The following TOP2A variants were observed in gnomAD, a reference collection of about 807,000 sequenced individuals.
TOP2A encodes DNA topoisomerase 2-alpha.
Under a neutral mutation model 187.2 loss-of-function variants are expected in TOP2A, and 68 were observed. That is an observed-to-expected ratio of 0.36 (90% CI 0.30 to 0.44). The LOEUF (loss-of-function observed/expected upper bound fraction) is 0.44, where lower values mean the gene tolerates loss of function less well. Among genes scored for constraint, TOP2A ranks in the 20% least tolerant of loss-of-function variants. The pLI, the probability that TOP2A is intolerant of heterozygous loss-of-function variation, is 1.00. For missense variants in TOP2A, 1,196 were observed against 1,808.7 expected (o/e 0.66, Z 6.14); for synonymous variants, 542 against 593.2 (o/e 0.91, Z 1.25).
chr17:40,409,347 G>A (rs1015038312), intron 10 of TOP2A: 1 of 405,292 alleles, frequency 2.5e-6, no homozygotes, highest in South Asian at 1.9e-5. Flanking sequence ...CGGCACTCCA[G>A]CCTGGGAAAC....
In TOP2A at chr17:40,410,695, C is replaced by T. The variant is rs1295683398; in HGVS notation, c.1203+414G>A. On this transcript the variant is annotated intron_variant, in intron 10 of 34. Coordinates refer to ENST00000423485, the MANE Select transcript of TOP2A (RefSeq NM_001067.4). ...AAGGCTCCCAGCTTTCTTGTTTATA[C>T]AACCTAGAGGTTGGTTGGGGCTTTT... 2.7e-5 allele frequency: 12 copies of T among 452,584 alleles called. No homozygotes were observed. The East Asian group carries it at 6.2e-4, about 24-fold the overall frequency. 28.0% of individuals were successfully genotyped at this position (452,584 alleles called of 1,614,324 possible). A position where few individuals can be genotyped will look rare whatever the true frequency, so the allele number is the denominator to read the frequency against.
intron 28 of TOP2A, 120 bp from the exon 29 acceptor site, chr17:40,395,659 G>T: frequency 1.8e-6 from 1 of 567,190 alleles, no homozygotes. Flanking sequence ...ACTTTGGGAG[G>T]CCGTGGTGGG....
Position 40,388,767 on chromosome 17 carries a change from C to G in TOP2A, c.*752G>C, listed in dbSNP as rs2034988098. 1 of 193,418 alleles carries G rather than the reference C, an allele frequency of 5.2e-6. No individual in the cohort carries two copies. Among genetic ancestry groups the G allele is most frequent in the Non-Finnish European group, 1.1e-5 (1 of 92,744 alleles). The allele number at this position is 193,418 out of a possible 1,614,324, so 12.0% of individuals were successfully genotyped here. On this transcript the variant is annotated 3_prime_UTR_variant, in exon 35 of 35. Transcript: ENST00000423485. Reference sequence around the variant, plus strand: ...TTAAGATCTTGGATCAAATGTTGTCCCCGAGTCTTCTGCAATCCAGTCCTC... The same window carrying G: ...TTAAGATCTTGGATCAAATGTTGTCGCCGAGTCTTCTGCAATCCAGTCCTC...
intron 20 of TOP2A, among the ~76,000 whole-genome samples, chr17:40,401,757 G>A (rs2035184102): frequency 6.6e-6 from 1 of 151,962 alleles, no homozygotes; most frequent in East Asian, 1.9e-4. Flanking sequence ...TGAACCATGT[G>A]GATATCTAGA....
chr17:40,400,252 T>C lies in TOP2A; in HGVS notation c.2957A>G (p.His986Arg). ...KLAEAERVGL[H>R]KVFKLQTSLT... Reference sequence around the variant, plus strand: ...ACTAGTTTGGAGTTTGAAGACTTTGTGTAGTCCAACTCTCTCTGCCTCTGC... The same window carrying C: ...ACTAGTTTGGAGTTTGAAGACTTTGCGTAGTCCAACTCTCTCTGCCTCTGC... Residue 986 changes from histidine (H) to arginine (R), a missense_variant, in exon 23 of 35, where the codon CAC becomes CGC. Transcript: ENST00000423485. 6.2e-7 allele frequency: 1 copy of C among 1,613,936 alleles called. No homozygotes were observed. The highest frequency in any genetic ancestry group is 8.5e-7 in the Non-Finnish European group (1 of 1,179,866).
chr17:40,406,904 A>G lies in TOP2A; in HGVS notation c.1665T>C (p.Asn555=), dbSNP rs547426632. 4 of 1,604,982 alleles carry G rather than the reference A, an allele frequency of 2.5e-6. No individual in the cohort carries two copies. The highest frequency in any genetic ancestry group is 2.7e-5 in the African/African-American group (2 of 74,954). The change falls in exon 14 of 35, where the codon AAT becomes AAC. Residue 555 remains asparagine, a synonymous_variant. Coordinates refer to ENST00000423485, the MANE Select transcript of TOP2A (RefSeq NM_001067.4). ...DGSHIKGLLI[N]FIHHNWPSLL... ...GAGAGGGCCAGTTGTGATGGATAAA[A>G]TTAATCAGCAAGCCTTTGATGTGGG...
At chr17:40,390,327 T>TACA (rs1238136268) in intron 33 of TOP2A, among the ~76,000 whole-genome samples, 163 bp from the exon 34 acceptor site, 3 of 151,538 alleles carry the variant, frequency 2.0e-5, no homozygotes, top group African/African-American at 7.3e-5. Context: ...TAGCTGGGAT[T>TACA]ACAGGCGTGT....
intron 28 of TOP2A, 147 bp downstream of exon 28, chr17:40,396,136 T>C: frequency 2.0e-6 from 1 of 507,428 alleles, no homozygotes; most frequent in East Asian, 3.2e-5. Context: ...CCTGCCACCA[T>C]GCCCGCCTAA....
chr17:40,413,354 TA>T (rs2035347434), intron 5 of TOP2A, 62 bp from the exon 6 acceptor site: 3 of 1,445,560 alleles, frequency 2.1e-6, no homozygotes. Context: ...CTTTATTTCT[TA>T]ATCACTGGCA....
intron 7 of TOP2A, 49 bp downstream of exon 7, chr17:40,412,710 A>G (rs763157025): frequency 6.7e-7 from 1 of 1,483,884 alleles, no homozygotes; most frequent in East Asian, 2.3e-5. Context: ...TGCACTTGAC[A>G]ATGATTACAA....
chr17:40,392,304 T>G lies in TOP2A; in HGVS notation c.4002A>C (p.Glu1334Asp). 6.2e-7 allele frequency: 1 copy of G among 1,602,754 alleles called. No homozygotes were observed. The highest frequency in any genetic ancestry group is 1.1e-5 in the South Asian group (1 of 89,476). ...TKFTMDLDSD[E>D]DFSDFDEKTD... The stretch of plus-strand genomic sequence containing the variant: ...TTTTTTCATCAAAATCTGAGAAATC[T>G]TCATCTGAATCCAAATCCATTGTGA... The change falls in exon 31 of 35, where the codon GAA (glutamate) becomes GAC (aspartate). Residue 1334 changes from glutamate to aspartate, a missense_variant. Glu to Asp is a conservative substitution (Grantham distance 45). This residue lies in a region of TOP2A where 374 missense variants were observed against 403.3 expected (regional missense o/e 0.93). Transcript: ENST00000423485.
intron 10 of TOP2A, chr17:40,408,965 T>C: frequency 2.3e-6 from 1 of 443,014 alleles, no homozygotes; most frequent in Non-Finnish European, 4.4e-6. Context: ...GAGGCCAAGG[T>C]GGGCAGAACA....
intron 23 of TOP2A, 69 bp from the exon 24 acceptor site, chr17:40,400,136 G>C: frequency 6.3e-7 from 1 of 1,581,308 alleles, no homozygotes; most frequent in South Asian, 1.1e-5. Flanking sequence ...GGTAGACTAA[G>C]ATATACTTTT....
intron 13 of TOP2A, 147 bp from the exon 14 acceptor site, chr17:40,407,089 C>T (rs2035257255): frequency 1.8e-6 from 1 of 569,656 alleles, no homozygotes; most frequent in Non-Finnish European, 3.1e-6. Context: ...CATGGTGAAA[C>T]CCTGTCTCCA....
Position 40,408,108 on chromosome 17 carries a change from A to G in TOP2A, c.1359T>C (p.Thr453=), listed in dbSNP as rs2035270600. 2 of 1,599,002 alleles carry G rather than the reference A, an allele frequency of 1.3e-6. No homozygotes were observed. Residue 453 remains threonine (T), a synonymous_variant, in exon 12 of 35, where the codon ACT becomes ACC. Transcript: ENST00000423485. ...DANDAGGRNS[T]ECTLILTEGD... ...CCTCAGTCAGGATAAGCGTACACTC[A>G]GTGGAGTTTCGGCCCCCTAAAATAA... is the stretch of plus-strand genomic sequence containing the variant.
chr17:40,417,709 C>T (rs1268503872), intron 1 of TOP2A, 62 bp downstream of exon 1: 106 of 1,602,328 alleles, frequency 6.6e-5, no homozygotes, highest in Non-Finnish European at 8.7e-5. Flanking sequence ...CCGTCACGGG[C>T]GGCCAGAGAG....
chr17:40,395,481 T>C lies in TOP2A; in HGVS notation c.3779A>G (p.Gln1260Arg), dbSNP rs371196602. 8.7e-6 allele frequency: 14 copies of C among 1,611,272 alleles called. No homozygotes were observed. Among genetic ancestry groups the C allele is most frequent in the African/African-American group, 2.7e-5 (2 of 74,754 alleles). The part of the protein sequence containing the change: ...EDGVELEGLK[Q>R]RLEKKQKREP... ...TCTTTTCTGTTTCTTTTCTAATCTT[T>C]GTTTTAGGCCTTCTAGTTCCACACC... is the stretch of plus-strand genomic sequence containing the variant. The change falls in exon 29 of 35, where the codon CAA (glutamine) becomes CGA (arginine). Residue 1260 changes from glutamine to arginine, a missense_variant. Physicochemically the swap from Gln to Arg is conservative, Grantham distance 43. Around this residue, in one of 10 missense-constraint regions of TOP2A, gnomAD observed 374 missense variants for 403.3 expected, o/e 0.93. Coordinates refer to ENST00000423485, the MANE Select transcript of TOP2A (RefSeq NM_001067.4).
intron 20 of TOP2A, among the ~76,000 whole-genome samples, chr17:40,401,851 G>T (rs2035185862): frequency 6.6e-6 from 1 of 152,150 alleles, no homozygotes; most frequent in African/African-American, 2.4e-5. Flanking sequence ...ATAGGCCAAG[G>T]ACAGTGTGGC....
intron 33 of TOP2A, among the ~76,000 whole-genome samples, chr17:40,390,734 T>A (rs1315490879): frequency 6.6e-6 from 1 of 150,812 alleles, no homozygotes; most frequent in Non-Finnish European, 1.5e-5. Context: ...TTCAAGTGAT[T>A]CTCCTGTTTC....
Sources: gnomAD v4.1 joint callset for allele counts (sites outside exome capture counted in the v4.1 genomes callset) on GRCh38, gnomAD v4.1.1 for gene constraint, gnomAD v4.1.1 regional missense constraint, MANE v1.5 for transcripts, NCBI Gene and HGNC (gene_info 2026-07-23, HGNC 2026-07-21) for gene names.